STOX2: variants seen among roughly 807,000 people sequenced by gnomAD.
STOX2 encodes the protein storkhead-box protein 2.
In STOX2, 28 loss-of-function variants were observed where a neutral mutation model predicts 60.9. The observed-to-expected ratio is 0.46, with a 90% confidence interval of 0.34 to 0.63. The LOEUF is 0.63. Among genes scored for constraint, STOX2 ranks in the 30% least tolerant of loss-of-function variants. The probability of loss-of-function intolerance (pLI) is 0.01; values close to 1 mark genes in which losing one functional copy is unlikely to be tolerated. For synonymous variants in STOX2, 472 were observed against 463.9 expected (o/e 1.02, Z -0.22); for missense variants, 1,024 against 1,187.7 (o/e 0.86, Z 2.03).
At chr4:183,815,253 G>T (rs922821009) in intron 1 of STOX2, among the ~76,000 whole-genome samples, 7 of 151,960 alleles carry the variant, frequency 4.6e-5, no homozygotes, top group African/African-American at 1.7e-4. Context: ...CTCCCAATGT[G>T]CTGGGATTAT....
chr4:183,931,340 C>T (rs1463508638), intron 1 of STOX2, among the ~76,000 whole-genome samples: 1 of 152,110 alleles, frequency 6.6e-6, no homozygotes, highest in African/African-American at 2.4e-5. Context: ...GGGAGAATCG[C>T]TTGAACCCAG....
At chr4:183,850,271 C>T (rs1170814512) in intron 1 of STOX2, among the ~76,000 whole-genome samples, 2 of 151,926 alleles carry the variant, frequency 1.3e-5, no homozygotes, top group Admixed American at 1.3e-4. Flanking sequence ...CCACACCCAG[C>T]CTGCATTTTC....
At chr4:183,855,457 A>G (rs1740265023) in intron 1 of STOX2, among the ~76,000 whole-genome samples, 1 of 152,208 alleles carries the variant, frequency 6.6e-6, no homozygotes, top group South Asian at 2.1e-4. Flanking sequence ...CCAGTGTCCT[A>G]GAAACGTTCA....
At chr4:183,876,685 C>T (rs1467292019) in intron 1 of STOX2, among the ~76,000 whole-genome samples, 1 of 152,216 alleles carries the variant, frequency 6.6e-6, no homozygotes, top group Non-Finnish European at 1.5e-5. Context: ...CCCAGCACCT[C>T]CCCTCCTCTC....
intron 1 of STOX2, among the ~76,000 whole-genome samples, chr4:183,876,614 T>C (rs1560858911): frequency 1.3e-5 from 2 of 152,230 alleles, no homozygotes; most frequent in Non-Finnish European, 2.9e-5. Flanking sequence ...CCCACCTGTA[T>C]GGAGGCAGCC....
intron 1 of STOX2, among the ~76,000 whole-genome samples, chr4:183,997,909 T>C (rs149536589): frequency 5.3e-5 from 8 of 152,248 alleles, no homozygotes; most frequent in African/African-American, 1.4e-4. Flanking sequence ...CCTCTTGGAG[T>C]TGGCTGCAAT....
chr4:183,914,990 C>T (rs1005497840), intron 1 of STOX2, among the ~76,000 whole-genome samples: 1 of 152,214 alleles, frequency 6.6e-6, no homozygotes, highest in Admixed American at 6.5e-5. Context: ...ACTAGGCCAG[C>T]TATGTAAATA....
At chr4:183,876,608 C>G (rs1203427608) in intron 1 of STOX2, among the ~76,000 whole-genome samples, 1 of 152,198 alleles carries the variant, frequency 6.6e-6, no homozygotes, top group African/African-American at 2.4e-5. Flanking sequence ...TGAGGCCCCA[C>G]CTGTATGGAG....
intron 1 of STOX2, among the ~76,000 whole-genome samples, chr4:183,967,673 A>T (rs931488458): frequency 1.3e-5 from 2 of 152,190 alleles, no homozygotes; most frequent in African/African-American, 4.8e-5. Flanking sequence ...CTGCAATCAG[A>T]CATAGCTGGA....
Position 184,021,243 on chromosome 4 carries a change from T to G in STOX2, c.*3959T>G, listed in dbSNP as rs1734579619. On this transcript the variant is annotated 3_prime_UTR_variant, in exon 4 of 4. Transcript: ENST00000308497. Reference sequence around the variant, plus strand: ...AACAATTCACAAGACAGGTCATCTTTGTAATACGCATACTTACAACGAATT... The same window carrying G: ...AACAATTCACAAGACAGGTCATCTTGGTAATACGCATACTTACAACGAATT... 1 of 152,232 alleles carries G rather than the reference T, an allele frequency of 6.6e-6. No homozygotes were observed. Among genetic ancestry groups the G allele is most frequent in the Admixed American group, 6.5e-5 (1 of 15,286 alleles). 9.4% of individuals were successfully genotyped at this position (152,232 alleles called of 1,614,324 possible).
At chr4:183,960,381 G>A (rs1743376957) in intron 1 of STOX2, 1 of 152,176 alleles carries the variant, frequency 6.6e-6, no homozygotes, top group Admixed American at 6.5e-5. Flanking sequence ...GTTAATTACC[G>A]ACTGTAACAT....
At chr4:183,956,887 C>A (rs1258051306) in intron 1 of STOX2, among the ~76,000 whole-genome samples, 1 of 151,246 alleles carries the variant, frequency 6.6e-6, no homozygotes, top group Non-Finnish European at 1.5e-5. Flanking sequence ...GAATATTCCT[C>A]AGTTTGAAGT....
intron 1 of STOX2, among the ~76,000 whole-genome samples, chr4:183,807,136 C>G (rs1057021420): frequency 6.6e-6 from 1 of 152,100 alleles, no homozygotes; most frequent in Non-Finnish European, 1.5e-5. Flanking sequence ...CCACGCCCAG[C>G]TAATTTTTAG....
chr4:184,001,261 C>T lies in STOX2; in HGVS notation c.167-64C>T, dbSNP rs2111226067. ...CCAGGGCCAGATGGACGCGTGAAGG[C>T]GTGTGTCTGACAGATGACCGGGTCT... On this transcript the variant is annotated intron_variant, in intron 1 of 3. Coordinates refer to ENST00000308497, the MANE Select transcript of STOX2 (RefSeq NM_020225.3). The surrounding 1 kb of genome is among the most constrained non-coding windows in gnomAD (Gnocchi z 4.2). The T allele has an allele frequency of 1.2e-5, 18 of 1,536,746 alleles. No individual in the cohort carries two copies. Among genetic ancestry groups the T allele is most frequent in the Admixed American group, 1.7e-5 (1 of 59,016 alleles).
In STOX2 at chr4:183,922,009, G is replaced by A. The variant is rs562111566; in HGVS notation, c.166+15053G>A. ...CAAACACTTGTATTCAGTTTCCTAA[G>A]ATGAGAATTTCTTAATTATTTGCAT... On this transcript the variant is annotated intron_variant, in intron 1 of 3. Coordinates refer to ENST00000308497, the MANE Select transcript of STOX2 (RefSeq NM_020225.3). Among the ~76,000 whole-genome samples, 110 of 152,284 alleles carry A rather than the reference G, an allele frequency of 7.2e-4. 1 individual carries two copies. The highest frequency in any genetic ancestry group is 2.9e-3 in the South Asian group (14 of 4,832).
At chr4:183,919,936 G>A (rs6552718) in intron 1 of STOX2, among the ~76,000 whole-genome samples, 79,098 of 151,836 alleles carry the variant, frequency 0.52, 20,957 homozygotes, top group African/African-American at 0.58. Flanking sequence ...TGTACTTGGT[G>A]TGTTGGTACC....
chr4:183,808,018 C>T lies in STOX2; in HGVS notation c.364+9963C>T, dbSNP rs111819084. 7.9e-3 allele frequency among the ~76,000 whole-genome samples: 1,200 copies of T among 152,308 alleles called. 18 individuals are homozygous for T. Among genetic ancestry groups the T allele is most frequent in the African/African-American group, 0.028 (1,145 of 41,554 alleles). ...GGACTAAGGGATCAGCGCGGGTTCCCGTAGCAGATGGACCCCACATTACAC... is the reference window on the plus strand; with the variant it reads ...GGACTAAGGGATCAGCGCGGGTTCCTGTAGCAGATGGACCCCACATTACAC... On this transcript the variant is annotated intron_variant, in intron 1 of 2. Coordinates refer to the STOX2 transcript ENST00000513034.
chr4:183,917,048 G>A (rs577613325), intron 1 of STOX2, among the ~76,000 whole-genome samples: 5 of 152,302 alleles, frequency 3.3e-5, no homozygotes, highest in South Asian at 4.1e-4. Context: ...CTTTCAGGCC[G>A]TGGCTCGGGT....
At chr4:183,872,161 TCTC>T (rs1740707743) in intron 1 of STOX2, among the ~76,000 whole-genome samples, 1 of 152,114 alleles carries the variant, frequency 6.6e-6, no homozygotes, top group Non-Finnish European at 1.5e-5. Flanking sequence ...TTCAAGCAAT[TCTC>T]CTACCTCAGC....
Sources: allele counts gnomAD v4.1 joint callset (sites outside exome capture counted in the v4.1 genomes callset), GRCh38; gene constraint gnomAD v4.1.1; non-coding constraint Gnocchi (gnomAD v3.1); transcripts MANE v1.5; gene names NCBI Gene and HGNC (gene_info 2026-07-23, HGNC 2026-07-21).